BOC: variants seen among roughly 807,000 people sequenced by gnomAD.
BOC encodes the protein BOC cell adhesion associated, oncogene regulated, also known as brother of CDO.
A neutral mutation model predicts 112.0 loss-of-function variants in BOC; 76 were observed. The observed-to-expected ratio is 0.68, with a 90% CI of 0.56 to 0.82. The LOEUF (loss-of-function observed/expected upper bound fraction) is 0.82, where lower values mean the gene tolerates loss of function less well. Ranked by LOEUF, BOC falls within the 40% of genes least tolerant of loss-of-function variation. The pLI is 0.00. For missense variants in BOC, 1,309 were observed against 1,511.7 expected, an observed-to-expected ratio of 0.87 and a Z score of 2.22; for synonymous variants, 580 against 599.8, an observed-to-expected ratio of 0.97 and a Z score of 0.48.
chr3:113,233,155 GTGTGT>G lies in BOC; in HGVS notation c.-81-16566_-81-16562del, dbSNP rs1559816914. On this transcript the variant is annotated intron_variant, in intron 2 of 19. Transcript: ENST00000682979. ...GAGCATGTAAAGGATTGGGGTGTGT[GTGTGT>G]GTGTGTGTGTGTGTGTGTGTGTGTG... is the stretch of plus-strand genomic sequence containing the variant. Among the ~76,000 whole-genome samples the G allele has an allele frequency of 3.4e-5, 4 of 116,994 alleles. No homozygotes were observed. The East Asian group carries it at 6.1e-4, about 18-fold the overall frequency. The allele number at this position is 116,994 out of a possible 152,430, so 76.8% of individuals were successfully genotyped here. A position where few individuals can be genotyped will look rare whatever the true frequency, so the allele number is the denominator to read the frequency against.
rs748779861 is a variant in BOC at position 113,283,377 on chromosome 3, CAT to C, written c.2435-31_2435-30del. The C allele has an allele frequency of 5.2e-6, 8 of 1,537,592 alleles. No individual in the cohort carries two copies. In the Admixed American group the frequency reaches 6.0e-5, roughly 12 times the overall value. On this transcript the variant is annotated intron_variant, in intron 15 of 19. Coordinates refer to ENST00000682979, the MANE Select transcript of BOC (RefSeq NM_001378074.1). ...TGTTGTGAAGGAAATATCAAAGAAA[CAT>C]ATGCTGAAGTGAGTTTTGTCCACAA...
At chr3:113,261,362 G>A (rs1946854359) in intron 4 of BOC, among the ~76,000 whole-genome samples, 1 of 152,226 alleles carries the variant, frequency 6.6e-6, no homozygotes, top group Admixed American at 6.5e-5. Context: ...GATGTGGGTT[G>A]CTGGCAAGTA....
intron 5 of BOC, chr3:113,269,975 G>C (rs1576467640): frequency 6.6e-6 from 1 of 152,344 alleles, no homozygotes; most frequent in East Asian, 1.9e-4. Context: ...GAGTTGCTGG[G>C]GTGTCCAGGA....
intron 15 of BOC, among the ~76,000 whole-genome samples, chr3:113,281,982 G>A (rs1576506416): frequency 6.6e-6 from 1 of 152,302 alleles, no homozygotes; most frequent in Middle Eastern, 3.4e-3. Flanking sequence ...TGCCCAGAGG[G>A]AGGAAGAGAC....
chr3:113,250,532 C>A, intron 3 of BOC, 23 bp from the exon 4 acceptor site: 1 of 1,590,634 alleles, frequency 6.3e-7, no homozygotes, highest in Non-Finnish European at 8.6e-7. Flanking sequence ...CAGTTCATTG[C>A]TGCATCCCTG....
chr3:113,249,938 A>G, intron 3 of BOC, 39 bp downstream of exon 3: 1 of 1,552,100 alleles, frequency 6.4e-7, no homozygotes, highest in Non-Finnish European at 8.9e-7. Context: ...CTTACAGTCA[A>G]ATGGAAACAT....
At chr3:113,266,215 T>TTG (rs144065459) in intron 4 of BOC, among the ~76,000 whole-genome samples, 18 of 152,102 alleles carry the variant, frequency 1.2e-4, no homozygotes, top group East Asian at 3.9e-4. Context: ...TTGTTAAGTT[T>TTG]TGTGTGTGTG....
At chr3:113,283,307 C>A in intron 15 of BOC, 104 bp from the exon 16 acceptor site, 4 of 1,181,188 alleles carry the variant, frequency 3.4e-6, no homozygotes, top group Non-Finnish European at 4.8e-6. Context: ...GTGAGTCTGA[C>A]CCCATTTCCC....
At chr3:113,268,623 A>G (rs1419960075) in intron 5 of BOC, among the ~76,000 whole-genome samples, 178 bp downstream of exon 5, 1 of 151,968 alleles carries the variant, frequency 6.6e-6, no homozygotes, top group Non-Finnish European at 1.5e-5. Context: ...TTTTCCTTTT[A>G]AGAGACAGGA....
chr3:113,219,622 C>T (rs1940183679), intron 2 of BOC, among the ~76,000 whole-genome samples: 2 of 152,178 alleles, frequency 1.3e-5, no homozygotes, highest in African/African-American at 4.8e-5. Flanking sequence ...CTTCTAGCTT[C>T]GGGAAAACTG....
In BOC at chr3:113,278,665, C is replaced by T; in HGVS notation, c.1706-8C>T. The T allele has an allele frequency of 1.9e-6, 3 of 1,555,560 alleles. No individual in the cohort carries two copies. The highest frequency in any genetic ancestry group is 2.6e-6 in the Non-Finnish European group (3 of 1,148,912). On this transcript the variant is annotated splice_region_variant and splice_polypyrimidine_tract_variant and intron_variant, in intron 10 of 19. Transcript: ENST00000682979. This position sits in a 1 kb window ranked among gnomAD's most constrained non-coding sequence, Gnocchi z 4.2. ...CTCCCTTGCTGACTACAACCCATTTCCACCCAGGACGGCGGCCCAAACCCG... is the reference window on the plus strand; with the variant it reads ...CTCCCTTGCTGACTACAACCCATTTTCACCCAGGACGGCGGCCCAAACCCG...
At chr3:113,222,119 T>C (rs1940796729) in intron 2 of BOC, among the ~76,000 whole-genome samples, 1 of 152,210 alleles carries the variant, frequency 6.6e-6, no homozygotes, top group South Asian at 2.1e-4. Flanking sequence ...CAACCTAATT[T>C]CTTTTCCTCC....
Position 113,284,539 on chromosome 3 carries a change from A to G in BOC, c.2861A>G (p.Gln954Arg), listed in dbSNP as rs376524712. The G allele has an allele frequency of 3.9e-5, 63 of 1,613,684 alleles. No homozygotes were observed. The highest frequency in any genetic ancestry group is 5.2e-5 in the Non-Finnish European group (61 of 1,179,792). The change falls in exon 17 of 20, where the codon CAG (glutamine) becomes CGG (arginine). Residue 954 changes from glutamine to arginine, a missense_variant. By Grantham distance (43) the Gln-to-Arg change is conservative. Transcript: ENST00000682979. Reference sequence around the variant, plus strand: ...GTGGGCTACCCGGGCATGAAGCCCCAGCAGCACTGCCCAGGCGAGCTTCAG... The same window carrying G: ...GTGGGCTACCCGGGCATGAAGCCCCGGCAGCACTGCCCAGGCGAGCTTCAG... ...AAVGYPGMKP[Q>R]QHCPGELQQQ...
intron 2 of BOC, 114 bp downstream of exon 2, chr3:113,216,388 C>A (rs1939376475): frequency 2.4e-6 from 1 of 414,598 alleles, no homozygotes; most frequent in Non-Finnish European, 4.9e-6. Context: ...TATTGGGAGT[C>A]CAACTTTGAG....
chr3:113,220,828 G>A (rs1190199963), intron 2 of BOC, among the ~76,000 whole-genome samples: 6 of 152,228 alleles, frequency 3.9e-5, no homozygotes. Context: ...AGGACTCGTG[G>A]CCAAATAATT....
At chr3:113,265,652 T>G (rs1947399100) in intron 4 of BOC, among the ~76,000 whole-genome samples, 1 of 152,246 alleles carries the variant, frequency 6.6e-6, no homozygotes. Flanking sequence ...TTTCCCATAG[T>G]CCAAACCTTC....
rs774789010 is a variant in BOC, at chr3:113,250,605, G to A, written c.148G>A (p.Gly50Arg). ...VQPASTVQKP[G>R]GTVILGCVVE... ...GCCTGCGTCCACCGTCCAGAAGCCC[G>A]GAGGCACTGTGATCTTGGGCTGCGT... The change falls in exon 4 of 20, where the codon GGA becomes AGA. Residue 50 changes from glycine to arginine, a missense_variant. Coordinates refer to ENST00000682979, the MANE Select transcript of BOC (RefSeq NM_001378074.1). 21 of 1,614,034 alleles carry A rather than the reference G, an allele frequency of 1.3e-5. No individual in the cohort carries two copies. The highest frequency in any genetic ancestry group is 6.7e-5 in the East Asian group (3 of 44,900).
chr3:113,271,038 T>C, intron 6 of BOC, 94 bp downstream of exon 6: 6 of 1,562,568 alleles, frequency 3.8e-6, no homozygotes, highest in Non-Finnish European at 5.3e-6. Context: ...AGGTGCCACA[T>C]CCAAGCTCCA....
chr3:113,279,764 C>T (rs1949015362), intron 12 of BOC, 60 bp from the exon 13 acceptor site: 1 of 1,523,372 alleles, frequency 6.6e-7, no homozygotes, highest in Non-Finnish European at 8.9e-7. Context: ...CTTGAAAGGC[C>T]ATGGGAGAAT....
Sources: gnomAD v4.1 joint callset for allele counts (sites outside exome capture counted in the v4.1 genomes callset) on GRCh38, gnomAD v4.1.1 for gene constraint, Gnocchi (gnomAD v3.1) non-coding constraint, MANE v1.5 for transcripts, NCBI Gene and HGNC (gene_info 2026-07-23, HGNC 2026-07-21) for gene names.